ACTL6A: variants seen among roughly 807,000 people sequenced by gnomAD.
The protein encoded by ACTL6A is actin like 6A.
ACTL6A carries 5 observed loss-of-function variants against 59.2 expected under a neutral mutation model. The ratio of observed to expected loss-of-function variants is 0.08; its 90% CI spans 0.04 to 0.18. The LOEUF is 0.18. ACTL6A is among the 10% of genes least tolerant of loss of function. The pLI is 1.00. For missense variants in ACTL6A, 285 were observed against 526.9 expected (o/e 0.54, Z 4.49); for synonymous variants, 154 against 171.8 (o/e 0.90, Z 0.81).
At chr3:179,576,419 T>G in intron 6 of ACTL6A, 108 bp downstream of exon 6, 1 of 949,456 alleles carries the variant, frequency 1.1e-6, no homozygotes, top group Admixed American at 2.9e-5. Context: ...AGTTTCTGAA[T>G]AAGATTTTTT....
chr3:179,582,029 C>T (rs1167631112), intron 11 of ACTL6A, among the ~76,000 whole-genome samples: 1 of 152,148 alleles, frequency 6.6e-6, no homozygotes, highest in East Asian at 1.9e-4. Context: ...AAGCATAGTG[C>T]TAATAACTAC....
At chr3:179,582,420 AAGT>A (rs1453171961) in intron 11 of ACTL6A, among the ~76,000 whole-genome samples, 1 of 152,234 alleles carries the variant, frequency 6.6e-6, no homozygotes, top group Non-Finnish European at 1.5e-5. Context: ...CACTGCTTAT[AAGT>A]AGTAATTTAT....
chr3:179,572,497 G>C (rs1219986486), intron 3 of ACTL6A, among the ~76,000 whole-genome samples: 1 of 152,140 alleles, frequency 6.6e-6, no homozygotes, highest in Non-Finnish European at 1.5e-5. Flanking sequence ...AAGTATCCAT[G>C]AATTTGCCTA....
chr3:179,565,370 A>G lies in ACTL6A; in HGVS notation c.25+2253A>G, dbSNP rs374731152. Reference sequence around the variant, plus strand: ...AAGAATCGCTCGAACCTGGAACTGCACTCCAGCCTGGGTGACAGAGCGAGA... The same window carrying G: ...AAGAATCGCTCGAACCTGGAACTGCGCTCCAGCCTGGGTGACAGAGCGAGA... On this transcript the variant is annotated intron_variant, in intron 1 of 13. Transcript: ENST00000429709. Among the ~76,000 whole-genome samples, 184 of 151,576 alleles carry G rather than the reference A, an allele frequency of 1.2e-3. 1 individual carries two copies. The highest frequency in any genetic ancestry group is 3.7e-3 in the African/African-American group (154 of 41,358).
At chr3:179,583,078 C>T (rs1718381657) in intron 11 of ACTL6A, among the ~76,000 whole-genome samples, 1 of 152,134 alleles carries the variant, frequency 6.6e-6, no homozygotes, top group Admixed American at 6.6e-5. Flanking sequence ...TATAACGAGA[C>T]CCCGTCTCTA....
At position 179,570,051 on chromosome 3, in the gene ACTL6A, T is replaced by C; in HGVS notation, c.103-16T>C. The C allele has an allele frequency of 6.2e-7, 1 of 1,610,158 alleles. No homozygotes were observed. Among genetic ancestry groups the C allele is most frequent in the Non-Finnish European group, 8.5e-7 (1 of 1,178,218 alleles). Reference sequence around the variant, plus strand: ...TGAAAGGTGAAACTTGTATGTCATGTTTCTGACTCTTACAGGTGGATTTTC... The same window carrying C: ...TGAAAGGTGAAACTTGTATGTCATGCTTCTGACTCTTACAGGTGGATTTTC... On this transcript the variant is annotated splice_polypyrimidine_tract_variant and intron_variant, in intron 2 of 13. Coordinates refer to ENST00000429709, the MANE Select transcript of ACTL6A (RefSeq NM_004301.5). This position sits in a 1 kb window ranked among gnomAD's most constrained non-coding sequence, Gnocchi z 4.3.
In ACTL6A at chr3:179,562,998, A is replaced by C. The variant is rs1178316757; in HGVS notation, c.-95A>C. On this transcript the variant is annotated 5_prime_UTR_variant, in exon 1 of 14. Coordinates refer to ENST00000429709, the MANE Select transcript of ACTL6A (RefSeq NM_004301.5). ...GGTGGGTGGCGGTGGAAGTTAAGGG[A>C]GTCAGGGGCTATCGCTCCTCGAGAC... 12 of 1,513,268 alleles carry C rather than the reference A, an allele frequency of 7.9e-6. No homozygotes were observed. Among genetic ancestry groups the C allele is most frequent in the Non-Finnish European group, 1.1e-5 (12 of 1,114,066 alleles). The allele number at this position is 1,513,268 out of a possible 1,614,324, so 93.7% of individuals were successfully genotyped here. A position where few individuals can be genotyped will look rare whatever the true frequency, so the allele number is the denominator to read the frequency against.
intron 1 of ACTL6A, among the ~76,000 whole-genome samples, chr3:179,568,348 A>G (rs1359560091): frequency 1.3e-5 from 2 of 152,110 alleles, no homozygotes; most frequent in Non-Finnish European, 2.9e-5. Flanking sequence ...TTTGTATGTA[A>G]TACAATACTG....
chr3:179,563,144 G>C (rs746188238), intron 1 of ACTL6A, 27 bp downstream of exon 1: 11 of 1,608,216 alleles, frequency 6.8e-6, no homozygotes, highest in African/African-American at 1.3e-5. Context: ...GGACGAGAGA[G>C]CGCGCCTTTT....
Position 179,562,970 on chromosome 3 carries a change from T to C in ACTL6A, c.-123T>C. The C allele has an allele frequency of 1.5e-6, 2 of 1,331,050 alleles. No individual in the cohort carries two copies. The highest frequency in any genetic ancestry group is 1.0e-6 in the Non-Finnish European group (1 of 956,810). 82.5% of individuals were successfully genotyped at this position (1,331,050 alleles called of 1,614,324 possible). A position where few individuals can be genotyped will look rare whatever the true frequency, so the allele number is the denominator to read the frequency against. On this transcript the variant is annotated 5_prime_UTR_variant, in exon 1 of 14. Transcript: ENST00000429709. ...GGTGTGTGGACGCCGCTTTGTTGCC[T>C]GAGGTGGGTGGCGGTGGAAGTTAAG...
In ACTL6A at chr3:179,574,373, A is replaced by C; in HGVS notation, c.382A>C (p.Asn128His). ...TTCTTTTTCCCCTCTTCTCAAGTGG[A>C]ATACTAGAGCAAAGAGAGAGAAACT... The part of the protein sequence containing the change: ...HPVLMSEAPW[N>H]TRAKREKLTE... Residue 128 changes from asparagine (N) to histidine (H), a missense_variant, in exon 5 of 14, where the codon AAT (asparagine) becomes CAT (histidine). By Grantham distance (68) the Asn-to-His change is moderately conservative (BLOSUM62 1). Transcript: ENST00000429709. The C allele has an allele frequency of 6.2e-7, 1 of 1,601,492 alleles. No homozygotes were observed. Among genetic ancestry groups the C allele is most frequent in the Non-Finnish European group, 8.6e-7 (1 of 1,168,958 alleles).
intron 8 of ACTL6A, 120 bp downstream of exon 8, chr3:179,577,033 CT>C: frequency 1.6e-6 from 1 of 641,836 alleles, no homozygotes; most frequent in Non-Finnish European, 2.6e-6. Context: ...TTTTCAAGCT[CT>C]TTATTTTTTT....
Position 179,580,620 on chromosome 3 carries a change from C to CT in ACTL6A, c.769-14dup. On this transcript the variant is annotated intron_variant, in intron 8 of 13. Transcript: ENST00000429709. Reference sequence around the variant, plus strand: ...AGATAAATCTCAACCTTGTTTGTTACTTTTTTCTTTTACTCACAGTGTGTT... The same window carrying CT: ...AGATAAATCTCAACCTTGTTTGTTACTTTTTTTCTTTTACTCACAGTGTGTT... The CT allele has an allele frequency of 6.4e-7, 1 of 1,558,024 alleles. No individual in the cohort carries two copies. Among genetic ancestry groups the CT allele is most frequent in the Non-Finnish European group, 8.7e-7 (1 of 1,143,712 alleles).
intron 8 of ACTL6A, among the ~76,000 whole-genome samples, chr3:179,578,193 G>A (rs1282886863): frequency 6.6e-6 from 1 of 152,146 alleles, no homozygotes; most frequent in East Asian, 1.9e-4. Flanking sequence ...AGTGGCTCAC[G>A]CCTGTAATCC....
intron 7 of ACTL6A, 48 bp downstream of exon 7, chr3:179,576,774 C>G (rs1449441174): frequency 6.2e-7 from 1 of 1,607,430 alleles, no homozygotes; most frequent in Non-Finnish European, 8.5e-7. Context: ...CTAGCTCCCC[C>G]ACCCCTATGA....
At chr3:179,584,803 C>A (rs2108371141) in intron 12 of ACTL6A, among the ~76,000 whole-genome samples, 1 of 151,862 alleles carries the variant, frequency 6.6e-6, no homozygotes, top group Non-Finnish European at 1.5e-5. Flanking sequence ...AAAACAACAA[C>A]AACAAAACTT....
chr3:179,568,394 G>T (rs1560009665), intron 1 of ACTL6A, among the ~76,000 whole-genome samples: 1 of 151,936 alleles, frequency 6.6e-6, no homozygotes, highest in Non-Finnish European at 1.5e-5. Flanking sequence ...GTCATATTTT[G>T]CCATATTAAT....
intron 8 of ACTL6A, among the ~76,000 whole-genome samples, chr3:179,578,926 T>G (rs891442074): frequency 6.6e-6 from 1 of 152,130 alleles, no homozygotes; most frequent in African/African-American, 2.4e-5. Flanking sequence ...CCACCACACC[T>G]GGCTAATTTT....
intron 1 of ACTL6A, among the ~76,000 whole-genome samples, chr3:179,566,248 G>A (rs530374454): frequency 1.3e-5 from 2 of 152,256 alleles, no homozygotes; most frequent in East Asian, 3.9e-4. Flanking sequence ...GAGAGAGAGA[G>A]AGATTTGAAA....
Sources: allele counts gnomAD v4.1 joint callset (sites outside exome capture counted in the v4.1 genomes callset), GRCh38; gene constraint gnomAD v4.1.1; non-coding constraint Gnocchi (gnomAD v3.1); transcripts MANE v1.5; gene names NCBI Gene and HGNC (gene_info 2026-07-23, HGNC 2026-07-21).